The following BAZ2B variants were observed in gnomAD, a reference collection of about 807,000 sequenced individuals.
BAZ2B encodes bromodomain adjacent to zinc finger domain 2B.
In BAZ2B, 91 loss-of-function variants were observed where a neutral mutation model predicts 246.0. The ratio of observed to expected loss-of-function variants is 0.37; its 90% CI spans 0.31 to 0.44. The LOEUF is 0.44. Among genes scored for constraint, BAZ2B ranks in the 20% least tolerant of loss-of-function variants. The pLI, the probability that BAZ2B is intolerant of heterozygous loss-of-function variation, is 1.00. For missense variants in BAZ2B, 2,332 were observed against 2,533.7 expected (o/e 0.92, Z 1.71); for synonymous variants, 855 against 860.0 (o/e 0.99, Z 0.10).
chr2:159,541,951 A>T (rs1032556895), intron 2 of BAZ2B, among the ~76,000 whole-genome samples: 1 of 152,242 alleles, frequency 6.6e-6, no homozygotes, highest in African/African-American at 2.4e-5. Flanking sequence ...CAATGTATGA[A>T]CAAAATGAGA....
chr2:159,369,070 T>C (rs761303642), intron 27 of BAZ2B, among the ~76,000 whole-genome samples: 34 of 152,240 alleles, frequency 2.2e-4, no homozygotes, highest in Non-Finnish European at 4.4e-4. Flanking sequence ...TATATATTAA[T>C]GTGCTAAAAT....
At chr2:159,598,468 T>C (rs964475114) in intron 1 of BAZ2B, among the ~76,000 whole-genome samples, 4 of 152,260 alleles carry the variant, frequency 2.6e-5, no homozygotes, top group Non-Finnish European at 5.9e-5. Flanking sequence ...AGAAAACTTA[T>C]GTTTTATGAG....
intron 36 of BAZ2B, among the ~76,000 whole-genome samples, 164 bp downstream of exon 36, chr2:159,324,625 TACACACACACACACACACACAC>T (rs60009917): frequency 0.1 from 13,356 of 132,922 alleles, 832 homozygotes; most frequent in South Asian, 0.15. Flanking sequence ...TCTAACCAAA[TACACACACACACACACACACAC>T]ACACACACAC....
At chr2:159,421,633 A>G (rs2068772874) in intron 13 of BAZ2B, among the ~76,000 whole-genome samples, 1 of 152,198 alleles carries the variant, frequency 6.6e-6, no homozygotes, top group African/African-American at 2.4e-5. Flanking sequence ...TACTATACAA[A>G]AGTTAATATT....
chr2:159,663,129 A>T, the BAZ2B span, among the ~76,000 whole-genome samples: 3 of 150,600 alleles, frequency 2.0e-5, no homozygotes, highest in African/African-American at 7.3e-5. Context: ...TTTGATGGTG[A>T]CCCTAGGACA....
chr2:159,647,617 C>T, the BAZ2B span, among the ~76,000 whole-genome samples: 6 of 152,278 alleles, frequency 3.9e-5, no homozygotes, highest in South Asian at 1.2e-3. Context: ...AGCCAATTCC[C>T]TTGATTATTC....
At chr2:159,379,371 G>A (rs2061735039) in intron 25 of BAZ2B, among the ~76,000 whole-genome samples, 1 of 152,126 alleles carries the variant, frequency 6.6e-6, no homozygotes, top group Non-Finnish European at 1.5e-5. Flanking sequence ...TAATGGGTGT[G>A]AAGTTTCAGT....
At chr2:159,503,844 G>T (rs2082071127) in intron 2 of BAZ2B, among the ~76,000 whole-genome samples, 1 of 152,182 alleles carries the variant, frequency 6.6e-6, no homozygotes, top group South Asian at 2.1e-4. Context: ...GCCTCCCAAA[G>T]TGCTGGGATT....
At chr2:159,600,442 C>T (rs555441236) in intron 1 of BAZ2B, among the ~76,000 whole-genome samples, 7 of 151,286 alleles carry the variant, frequency 4.6e-5, no homozygotes, top group East Asian at 3.9e-4. Context: ...TAAAAAAAAA[C>T]GAAAAAATAT....
chr2:159,356,501 T>C (rs2059129183), intron 27 of BAZ2B, among the ~76,000 whole-genome samples: 2 of 152,190 alleles, frequency 1.3e-5, no homozygotes, highest in African/African-American at 2.4e-5. Context: ...CAGGGGCTTA[T>C]AGATCAAACT....
intron 3 of BAZ2B, among the ~76,000 whole-genome samples, chr2:159,472,530 G>A (rs1409463290): frequency 6.6e-6 from 1 of 152,194 alleles, no homozygotes; most frequent in Admixed American, 6.5e-5. Flanking sequence ...TTTTGAATAG[G>A]AGTGGTGAGA....
At chr2:159,607,938 C>T (rs1418310063) in intron 1 of BAZ2B, among the ~76,000 whole-genome samples, 6 of 152,150 alleles carry the variant, frequency 3.9e-5, no homozygotes, top group Non-Finnish European at 8.8e-5. Flanking sequence ...AGGTAGATGC[C>T]TCCTCCTTTT....
chr2:159,564,270 G>A (rs1209796534), intron 1 of BAZ2B, among the ~76,000 whole-genome samples: 2 of 151,832 alleles, frequency 1.3e-5, no homozygotes, highest in Non-Finnish European at 2.9e-5. Flanking sequence ...CTAGTGCAGA[G>A]TAAGATAGGG....
the BAZ2B span, among the ~76,000 whole-genome samples, chr2:159,637,244 G>T: frequency 6.6e-6 from 1 of 152,216 alleles, no homozygotes; most frequent in African/African-American, 2.4e-5. Context: ...GGCTCTAAGG[G>T]TCCCTAAGTC....
At chr2:159,590,233 A>T (rs1578701744) in intron 1 of BAZ2B, among the ~76,000 whole-genome samples, 1 of 91,254 alleles carries the variant, frequency 1.1e-5, no homozygotes, top group Non-Finnish European at 2.3e-5. Flanking sequence ...AAAAAAAAAC[A>T]ACCCAGCAAG....
the BAZ2B span, among the ~76,000 whole-genome samples, chr2:159,676,181 C>A: frequency 7.4e-6 from 1 of 135,658 alleles, no homozygotes; most frequent in African/African-American, 2.7e-5. Context: ...GCATGAGCCA[C>A]CACGCCTGGC....
chr2:159,419,285 A>C (rs2068308484), intron 13 of BAZ2B, among the ~76,000 whole-genome samples: 1 of 152,196 alleles, frequency 6.6e-6, no homozygotes, highest in South Asian at 2.1e-4. Flanking sequence ...GAACTAAAAA[A>C]ATTCTTCGGG....
intron 1 of BAZ2B, among the ~76,000 whole-genome samples, chr2:159,560,662 G>A (rs1024448979): frequency 4.6e-5 from 7 of 151,612 alleles, no homozygotes; most frequent in African/African-American, 1.7e-4. Flanking sequence ...TGAGTAGCTA[G>A]GACTACAGGC....
chr2:159,459,348 T>C (rs2076150880), intron 3 of BAZ2B: 1 of 152,240 alleles, frequency 6.6e-6, no homozygotes, highest in African/African-American at 2.4e-5. Context: ...GTTTCACTCT[T>C]CTTTTAAAAG....
Sources: gnomAD v4.1 joint callset for allele counts (sites outside exome capture counted in the v4.1 genomes callset) on GRCh38, gnomAD v4.1.1 for gene constraint, MANE v1.5 for transcripts, NCBI Gene and HGNC (gene_info 2026-07-23, HGNC 2026-07-21) for gene names.